The following PSPC1 variants were observed in gnomAD, a reference collection of about 807,000 sequenced individuals.
The protein encoded by PSPC1 is paraspeckle component 1.
In PSPC1, 14 loss-of-function variants were observed where a neutral mutation model predicts 51.6. That is an observed-to-expected ratio of 0.27 (90% confidence interval 0.18 to 0.42). The LOEUF (loss-of-function observed/expected upper bound fraction) is 0.42, where lower values mean the gene tolerates loss of function less well. Ranked by LOEUF, PSPC1 falls within the 10% of genes least tolerant of loss-of-function variation. The pLI, the probability that PSPC1 is intolerant of heterozygous loss-of-function variation, is 1.00. For synonymous variants in PSPC1, 193 were observed against 231.9 expected (o/e 0.83, Z 1.53); for missense variants, 406 against 701.1 (o/e 0.58, Z 4.75).
At chr13:19,749,552 CCAGATCTAA>C (rs887607620) in intron 4 of PSPC1, among the ~76,000 whole-genome samples, 3 of 151,042 alleles carry the variant, frequency 2.0e-5, no homozygotes, top group African/African-American at 7.3e-5. Flanking sequence ...AATCTCTCTT[CCAGATCTAA>C]CAGCTAATGA....
intron 2 of PSPC1, among the ~76,000 whole-genome samples, chr13:19,767,752 A>T (rs1437434180): frequency 6.6e-6 from 1 of 152,174 alleles, no homozygotes; most frequent in Non-Finnish European, 1.5e-5. Flanking sequence ...CACACTCAAA[A>T]TGTATAAATG....
intron 6 of PSPC1, among the ~76,000 whole-genome samples, chr13:19,714,341 ACTT>A (rs1437193346): frequency 2.0e-5 from 3 of 152,124 alleles, no homozygotes; most frequent in Non-Finnish European, 4.4e-5. Context: ...AAGACATGTA[ACTT>A]CTTTTTAATT....
intron 2 of PSPC1, among the ~76,000 whole-genome samples, chr13:19,764,273 A>T (rs1333849508): frequency 6.6e-6 from 1 of 152,178 alleles, no homozygotes; most frequent in Non-Finnish European, 1.5e-5. Context: ...ATAAGTTTAC[A>T]TAAAATGAAT....
intron 4 of PSPC1, among the ~76,000 whole-genome samples, chr13:19,745,256 T>C (rs1017118706): frequency 6.6e-6 from 1 of 152,154 alleles, no homozygotes; most frequent in Non-Finnish European, 1.5e-5. Context: ...GAGGCACAGG[T>C]TGCAGTGAGC....
intron 7 of PSPC1, among the ~76,000 whole-genome samples, chr13:19,677,096 G>A (rs995470551): frequency 2.0e-5 from 3 of 152,102 alleles, no homozygotes; most frequent in African/African-American, 7.2e-5. Context: ...AGCCGGGCAT[G>A]GTGGCAGGCG....
rs59072226 is a variant in PSPC1, at chr13:19,714,495, C to CTT, written c.1159-4898_1159-4897dup. Among the ~76,000 whole-genome samples the CTT allele has an allele frequency of 2.8e-3, 381 of 135,052 alleles. 4 individuals are homozygous for CTT. In the South Asian group the frequency reaches 0.035, roughly 12 times the overall value. The allele number at this position is 135,052 out of a possible 152,430, so 88.6% of individuals were successfully genotyped here. ...AAATTCAAAGCAGCCCAGCGGATTTCTTTTTTTTTTTTTTTTTCCTTTGTC... is the reference window on the plus strand; with the variant it reads ...AAATTCAAAGCAGCCCAGCGGATTTCTTTTTTTTTTTTTTTTTTTCCTTTGTC... On this transcript the variant is annotated intron_variant, in intron 6 of 8. Transcript: ENST00000338910.
At chr13:19,704,680 CA>C (rs1414348871) in intron 8 of PSPC1, among the ~76,000 whole-genome samples, 1 of 150,996 alleles carries the variant, frequency 6.6e-6, no homozygotes, top group Non-Finnish European at 1.5e-5. Context: ...TATATAGTGA[CA>C]GACTTTAATA....
At chr13:19,705,141 T>G (rs1268256621) in intron 8 of PSPC1, among the ~76,000 whole-genome samples, 1 of 152,224 alleles carries the variant, frequency 6.6e-6, no homozygotes, top group African/African-American at 2.4e-5. Flanking sequence ...CATATGCATT[T>G]GCTATATACT....
chr13:19,769,112 C>G (rs1441853592), intron 2 of PSPC1, among the ~76,000 whole-genome samples: 1 of 150,978 alleles, frequency 6.6e-6, no homozygotes, highest in African/African-American at 2.5e-5. Context: ...GCACTCCAGC[C>G]TGGGTGACAC....
At chr13:19,768,303 G>A (rs1021478840) in intron 2 of PSPC1, among the ~76,000 whole-genome samples, 1 of 151,900 alleles carries the variant, frequency 6.6e-6, no homozygotes, top group African/African-American at 2.4e-5. Context: ...TTATAATACA[G>A]ACTTATCTAG....
At chr13:19,708,899 A>G (rs372906252) in intron 7 of PSPC1, among the ~76,000 whole-genome samples, 14 of 152,302 alleles carry the variant, frequency 9.2e-5, no homozygotes, top group African/African-American at 3.4e-4. Flanking sequence ...GAGGTGGCTC[A>G]TGCCTGGAAT....
At chr13:19,774,660 C>G (rs969797668) in intron 1 of PSPC1, among the ~76,000 whole-genome samples, 5 of 151,560 alleles carry the variant, frequency 3.3e-5, no homozygotes, top group Non-Finnish European at 7.4e-5. Context: ...AAAAATTAGC[C>G]GGGGCATGGT....
chr13:19,696,950 A>G (rs1288395383), intron 6 of PSPC1, among the ~76,000 whole-genome samples: 1 of 152,228 alleles, frequency 6.6e-6, no homozygotes, highest in Non-Finnish European at 1.5e-5. Flanking sequence ...TGCATTAAAT[A>G]ACACTCAATA....
intron 6 of PSPC1, among the ~76,000 whole-genome samples, chr13:19,727,266 C>T (rs1396401658): frequency 6.6e-6 from 1 of 152,020 alleles, no homozygotes; most frequent in East Asian, 1.9e-4. Context: ...TGGTGGCAGG[C>T]ACCTGTAATC....
intron 6 of PSPC1, among the ~76,000 whole-genome samples, chr13:19,712,610 T>C (rs1476228897): frequency 1.3e-5 from 2 of 152,158 alleles, no homozygotes; most frequent in Admixed American, 6.5e-5. Context: ...TGGTGGTATA[T>C]TATAAATTGG....
intron 6 of PSPC1, among the ~76,000 whole-genome samples, chr13:19,714,422 A>C (rs968072369): frequency 1.3e-5 from 2 of 151,688 alleles, no homozygotes; most frequent in East Asian, 3.9e-4. Flanking sequence ...TTTTCTTCTG[A>C]TTGGTACATA....
chr13:19,673,087 G>A (rs889036614), downstream of PSPC1: 8 of 52,582 alleles, frequency 1.5e-4, no homozygotes, highest in Admixed American at 1.1e-3. Flanking sequence ...GAACCTATAC[G>A]GTTTTTTTTT....
At chr13:19,759,489 T>C (rs1402986336) in intron 2 of PSPC1, 71 bp from the exon 3 acceptor site, 5 of 1,047,742 alleles carry the variant, frequency 4.8e-6, no homozygotes, top group Non-Finnish European at 7.2e-6. Flanking sequence ...AAAAGAAATG[T>C]TTTATAATAA....
intron 6 of PSPC1, among the ~76,000 whole-genome samples, chr13:19,691,327 C>G (rs756464498): frequency 1.3e-5 from 2 of 152,070 alleles, no homozygotes; most frequent in African/African-American, 4.8e-5. Flanking sequence ...TTGAGACCAG[C>G]CTGGGAGCCT....
Sources: allele counts gnomAD v4.1 joint callset (sites outside exome capture counted in the v4.1 genomes callset), GRCh38; gene constraint gnomAD v4.1.1; transcripts MANE v1.5; gene names NCBI Gene and HGNC (gene_info 2026-07-23, HGNC 2026-07-21).